The following PRKG1 variants were observed in gnomAD, a reference collection of about 807,000 sequenced individuals.
PRKG1 encodes the protein protein kinase cGMP-dependent 1.
In PRKG1, 35 loss-of-function variants were observed where a neutral mutation model predicts 88.1. That is an observed-to-expected ratio of 0.40 (90% confidence interval 0.30 to 0.53). The LOEUF (loss-of-function observed/expected upper bound fraction) is 0.53. Ranked by LOEUF, PRKG1 falls within the 20% of genes least tolerant of loss-of-function variation. The pLI, the probability that PRKG1 is intolerant of heterozygous loss-of-function variation, is 0.59. For synonymous variants in PRKG1, 303 were observed against 292.5 expected, an observed-to-expected ratio of 1.04 and a Z score of -0.37; for missense variants, 540 against 839.8, an observed-to-expected ratio of 0.64 and a Z score of 4.41.
chr10:51,695,161 T>C (rs1045455765), intron 3 of PRKG1, among the ~76,000 whole-genome samples: 53 of 152,150 alleles, frequency 3.5e-4, no homozygotes, highest in Non-Finnish European at 1.8e-4. Context: ...AAAAGTGCAC[T>C]GCAATATAAC....
In PRKG1 at chr10:51,042,640, A is replaced by G. The variant is rs910241304; in HGVS notation, c.266+50996A>G. Among the ~76,000 whole-genome samples, 4 of 152,280 alleles carry G rather than the reference A, an allele frequency of 2.6e-5. No individual in the cohort carries two copies. In the South Asian group the frequency reaches 8.3e-4, roughly 32 times the overall value. ...TCTGTCACCCGCGGAACAGAGAAGA[A>G]AGGAGGCTTTGAGAGAGCAAGATGC... is the stretch of plus-strand genomic sequence containing the variant. On this transcript the variant is annotated intron_variant, in intron 1 of 17. Transcript: ENST00000401604.
intron 2 of PRKG1, among the ~76,000 whole-genome samples, chr10:51,223,070 A>G (rs1172911184): frequency 9.2e-5 from 14 of 152,032 alleles, no homozygotes; most frequent in African/African-American, 3.4e-4. Context: ...TTCACAAAAT[A>G]CAAGTAAACA....
At chr10:51,800,322 G>T (rs556190043) in intron 3 of PRKG1, among the ~76,000 whole-genome samples, 10 of 152,178 alleles carry the variant, frequency 6.6e-5, no homozygotes, top group African/African-American at 1.9e-4. Flanking sequence ...TCCTGGACTT[G>T]CAATGGGGTT....
At chr10:52,163,078 G>A (rs939197795) in intron 9 of PRKG1, among the ~76,000 whole-genome samples, 7 of 151,972 alleles carry the variant, frequency 4.6e-5, no homozygotes, top group Non-Finnish European at 1.0e-4. Context: ...ACCGAGGTGG[G>A]AAAGGGGGTC....
intron 3 of PRKG1, chr10:51,699,355 T>C: frequency 6.2e-7 from 1 of 1,614,100 alleles, no homozygotes; most frequent in Non-Finnish European, 8.5e-7. Context: ...TCTCCTGGTC[T>C]TGGTATTCGC....
intron 3 of PRKG1, among the ~76,000 whole-genome samples, chr10:51,503,707 A>T (rs899765550): frequency 7.0e-6 from 1 of 142,380 alleles, no homozygotes; most frequent in Admixed American, 6.9e-5. Context: ...TCTCTTTTGC[A>T]TCTGGGTAAA....
At chr10:51,559,737 A>G (rs1206334056) in intron 3 of PRKG1, among the ~76,000 whole-genome samples, 2 of 152,056 alleles carry the variant, frequency 1.3e-5, no homozygotes, top group Non-Finnish European at 2.9e-5. Flanking sequence ...AACCTAGGCA[A>G]GATAATCATA....
intron 2 of PRKG1, among the ~76,000 whole-genome samples, chr10:51,229,999 A>G (rs1339077981): frequency 6.6e-6 from 1 of 152,114 alleles, no homozygotes; most frequent in East Asian, 1.9e-4. Flanking sequence ...ATCAAAATTT[A>G]AAATATTCCT....
intron 4 of PRKG1, among the ~76,000 whole-genome samples, chr10:51,868,818 A>G (rs918372100): frequency 6.6e-6 from 1 of 152,214 alleles, no homozygotes; most frequent in African/African-American, 2.4e-5. Flanking sequence ...TTCCTAGGAC[A>G]TGAACCTTAA....
rs76342312 is a variant in PRKG1, at chr10:52,002,836, T to C, written c.763-51648T>C. 7.7e-3 allele frequency among the ~76,000 whole-genome samples: 1,169 copies of C among 152,292 alleles called. 16 individuals are homozygous for C. Among genetic ancestry groups the C allele is most frequent in the African/African-American group, 0.026 (1,091 of 41,564 alleles). On this transcript the variant is annotated intron_variant, in intron 5 of 17. Coordinates refer to ENST00000373980, the MANE Select transcript of PRKG1 (RefSeq NM_006258.4). ...TTTCAGCTCTCTTGACATATATGGT[T>C]ACAGTTGGAGGCATTTTTCAGTGTA... is the stretch of plus-strand genomic sequence containing the variant.
At chr10:51,280,346 T>A (rs1438761544) in intron 2 of PRKG1, among the ~76,000 whole-genome samples, 1 of 152,190 alleles carries the variant, frequency 6.6e-6, no homozygotes, top group East Asian at 1.9e-4. Context: ...CAATTATGTG[T>A]CTTGGAGTTG....
intron 2 of PRKG1, among the ~76,000 whole-genome samples, chr10:51,326,555 G>A (rs1388040664): frequency 6.6e-6 from 1 of 152,184 alleles, no homozygotes; most frequent in African/African-American, 2.4e-5. Flanking sequence ...TTACTCCAGA[G>A]AATATACAAG....
At chr10:51,558,450 G>A (rs995150216) in intron 3 of PRKG1, among the ~76,000 whole-genome samples, 2 of 151,928 alleles carry the variant, frequency 1.3e-5, no homozygotes, top group Non-Finnish European at 2.9e-5. Context: ...TCCATAAGTT[G>A]CATTATATCT....
At chr10:51,658,400 G>C (rs999834967) in intron 3 of PRKG1, among the ~76,000 whole-genome samples, 1 of 152,030 alleles carries the variant, frequency 6.6e-6, no homozygotes, top group Non-Finnish European at 1.5e-5. Context: ...GTGCTCTGAG[G>C]GTGGGAGAAT....
chr10:52,051,149 C>T (rs960778043), intron 5 of PRKG1, among the ~76,000 whole-genome samples: 7 of 152,102 alleles, frequency 4.6e-5, no homozygotes, highest in African/African-American at 1.7e-4. Flanking sequence ...ATAATTTTGG[C>T]TTTCTGAAAG....
chr10:51,175,272 C>T (rs921455242), intron 2 of PRKG1, among the ~76,000 whole-genome samples: 21 of 151,946 alleles, frequency 1.4e-4, no homozygotes, highest in Admixed American at 1.3e-3. Context: ...TTCAAATGTT[C>T]TTTAATTGAT....
intron 2 of PRKG1, among the ~76,000 whole-genome samples, chr10:51,451,369 T>C (rs1299081325): frequency 6.6e-6 from 1 of 151,902 alleles, no homozygotes; most frequent in Non-Finnish European, 1.5e-5. Flanking sequence ...AACTAGAGGT[T>C]AGTAAAAATA....
At chr10:51,899,668 A>AATATATATATATATATAT (rs1156671263) in intron 4 of PRKG1, among the ~76,000 whole-genome samples, 3 of 54,274 alleles carry the variant, frequency 5.5e-5, no homozygotes, top group African/African-American at 1.7e-4. Context: ...AAAAAAGAAA[A>AATATATATATATATATAT]ATGTATATAT....
chr10:51,591,041 G>A (rs1465924215), intron 3 of PRKG1, among the ~76,000 whole-genome samples: 3 of 152,152 alleles, frequency 2.0e-5, no homozygotes, highest in African/African-American at 7.2e-5. Context: ...TTTAACAAAG[G>A]CAAACACAGT....
Sources: allele counts gnomAD v4.1 joint callset (sites outside exome capture counted in the v4.1 genomes callset), GRCh38; gene constraint gnomAD v4.1.1; transcripts MANE v1.5; gene names NCBI Gene and HGNC (gene_info 2026-07-23, HGNC 2026-07-21).